Variants in FAXC observed in about 807,000 individuals in gnomAD.
FAXC encodes failed axon connections homolog, metaxin like GST domain containing, also known as failed axon connections homolog.
Under a neutral mutation model 41.9 loss-of-function variants are expected in FAXC, and 10 were observed. That is an observed-to-expected ratio of 0.24 (90% CI 0.15 to 0.41). The LOEUF (loss-of-function observed/expected upper bound fraction) is 0.41. FAXC is among the 10% of genes least tolerant of loss of function. The pLI is 1.00. For synonymous variants in FAXC, 183 were observed against 183.8 expected (o/e 1.00, Z 0.03); for missense variants, 399 against 510.9 (o/e 0.78, Z 2.11).
intron 5 of FAXC, among the ~76,000 whole-genome samples, chr6:99,289,246 T>C (rs1476281602): frequency 6.6e-6 from 1 of 152,148 alleles, no homozygotes; most frequent in Non-Finnish European, 1.5e-5. Flanking sequence ...CCTCAAACAG[T>C]TCCCATGCAA....
intron 4 of FAXC, among the ~76,000 whole-genome samples, chr6:99,303,114 T>C (rs1002410890): frequency 2.0e-5 from 3 of 152,240 alleles, no homozygotes; most frequent in African/African-American, 7.2e-5. Context: ...AATGTTTAAA[T>C]AGGCAATGCT....
At chr6:99,296,615 T>C (rs1221828278) in intron 4 of FAXC, among the ~76,000 whole-genome samples, 1 of 152,020 alleles carries the variant, frequency 6.6e-6, no homozygotes, top group East Asian at 1.9e-4. Context: ...TCCCCAAGGG[T>C]GCAGAGCCCT....
At chr6:99,316,675 A>T (rs2128458112) in intron 4 of FAXC, among the ~76,000 whole-genome samples, 1 of 152,320 alleles carries the variant, frequency 6.6e-6, no homozygotes, top group East Asian at 1.9e-4. Context: ...GGAGGGATGG[A>T]ACCCCAAAGG....
At position 99,349,486 on chromosome 6, in the gene FAXC, C is replaced by T. The variant is rs986900932; in HGVS notation, c.-114G>A. On this transcript the variant is annotated 5_prime_UTR_variant, in exon 1 of 6. Coordinates refer to ENST00000389677, the MANE Select transcript of FAXC (RefSeq NM_032511.4). ...GCGCGGAGGGCGCGGGCGGCGCGGG[C>T]GGCGGCGACTGAGGAGGCGGCGGCG... is the stretch of plus-strand genomic sequence containing the variant. The T allele has an allele frequency of 2.5e-6, 2 of 789,730 alleles. No individual in the cohort carries two copies. Among genetic ancestry groups the T allele is most frequent in the African/African-American group, 1.9e-5 (1 of 52,814 alleles). 48.9% of individuals were successfully genotyped at this position (789,730 alleles called of 1,614,324 possible).
At chr6:99,311,125 T>C (rs1419694580) in intron 4 of FAXC, among the ~76,000 whole-genome samples, 5 of 152,242 alleles carry the variant, frequency 3.3e-5, no homozygotes, top group Non-Finnish European at 7.3e-5. Context: ...ACACGAATGC[T>C]TTAAAGCACT....
In FAXC at chr6:99,349,270, G is replaced by C; in HGVS notation, c.103C>G (p.Pro35Ala). The part of the protein sequence containing the change: ...FFGWWAGSEE[P>A]FSFYGDIIAF... Reference sequence around the variant, plus strand: ...ATGATGTCCCCATAAAAGGAGAAGGGCTCCTCGGACCCGGCCCACCAGCCG... The same window carrying C: ...ATGATGTCCCCATAAAAGGAGAAGGCCTCCTCGGACCCGGCCCACCAGCCG... The change falls in exon 1 of 6, where the codon CCC (proline) becomes GCC (alanine). Residue 35 changes from proline to alanine, a missense_variant. Coordinates refer to ENST00000389677, the MANE Select transcript of FAXC (RefSeq NM_032511.4). The C allele has an allele frequency of 6.2e-7, 1 of 1,613,644 alleles. No individual in the cohort carries two copies. Among genetic ancestry groups the C allele is most frequent in the Non-Finnish European group, 8.5e-7 (1 of 1,180,018 alleles).
chr6:99,320,957 G>A (rs1398454498), intron 4 of FAXC, among the ~76,000 whole-genome samples: 1 of 152,196 alleles, frequency 6.6e-6, no homozygotes, highest in African/African-American at 2.4e-5. Context: ...AAACTTCTGT[G>A]AAGAGTCAGA....
At chr6:99,305,837 T>C (rs925161183) in intron 4 of FAXC, among the ~76,000 whole-genome samples, 1 of 152,094 alleles carries the variant, frequency 6.6e-6, no homozygotes, top group Non-Finnish European at 1.5e-5. Context: ...TTCTTATCAA[T>C]ATTAATCAAT....
chr6:99,298,209 T>C (rs1043667182), intron 4 of FAXC, among the ~76,000 whole-genome samples: 2 of 148,666 alleles, frequency 1.3e-5, no homozygotes, highest in Non-Finnish European at 3.0e-5. Flanking sequence ...CTTGAGCATG[T>C]AGTATAATCA....
chr6:99,294,177 G>A (rs1331295446), intron 4 of FAXC, among the ~76,000 whole-genome samples: 1 of 152,144 alleles, frequency 6.6e-6, no homozygotes, highest in Non-Finnish European at 1.5e-5. Flanking sequence ...CATCATTTGA[G>A]TCTTACACCA....
Position 99,274,456 on chromosome 6 carries a change from C to G in FAXC, c.*6708G>C, listed in dbSNP as rs1770527277. The G allele has an allele frequency of 6.6e-6, 1 of 152,156 alleles. No homozygotes were observed. Among genetic ancestry groups the G allele is most frequent in the African/African-American group, 2.4e-5 (1 of 41,434 alleles). 9.4% of individuals were successfully genotyped at this position (152,156 alleles called of 1,614,324 possible). A position where few individuals can be genotyped will look rare whatever the true frequency, so the allele number is the denominator to read the frequency against. On this transcript the variant is annotated 3_prime_UTR_variant, in exon 6 of 6. Coordinates refer to ENST00000389677, the MANE Select transcript of FAXC (RefSeq NM_032511.4). ...ATTTGTTACTGTTTTCTTCTCTCCT[C>G]CTACTCAGTTAAATTCTAATACCAC...
chr6:99,306,577 G>A (rs2128455143), intron 4 of FAXC, among the ~76,000 whole-genome samples: 1 of 152,286 alleles, frequency 6.6e-6, no homozygotes, highest in Non-Finnish European at 1.5e-5. Context: ...TATGCAATGT[G>A]AGATGAACAG....
chr6:99,289,549 AGTAG>A (rs1156440481), intron 5 of FAXC, among the ~76,000 whole-genome samples: 1 of 152,112 alleles, frequency 6.6e-6, no homozygotes, highest in Non-Finnish European at 1.5e-5. Flanking sequence ...CCAGCTACTC[AGTAG>A]GTTGAGACAG....
chr6:99,318,263 ACACACACACAC>A (rs1582660383), intron 4 of FAXC, among the ~76,000 whole-genome samples: 53 of 124,466 alleles, frequency 4.3e-4, no homozygotes, highest in East Asian at 8.8e-4. Flanking sequence ...CGTCTCAAAC[ACACACACACAC>A]ACACACACAC....
At chr6:99,299,762 TTC>T (rs1402304905) in intron 4 of FAXC, among the ~76,000 whole-genome samples, 3 of 152,160 alleles carry the variant, frequency 2.0e-5, no homozygotes, top group African/African-American at 7.2e-5. Context: ...CTACTCCCTA[TTC>T]TCTTACACTC....
chr6:99,340,050 C>T (rs949431860), intron 2 of FAXC, among the ~76,000 whole-genome samples: 4 of 152,060 alleles, frequency 2.6e-5, no homozygotes, highest in Non-Finnish European at 5.9e-5. Flanking sequence ...AGATTAAATA[C>T]AAATTCTAAG....
At chr6:99,284,721 T>C (rs977954081) in intron 5 of FAXC, among the ~76,000 whole-genome samples, 1 of 152,104 alleles carries the variant, frequency 6.6e-6, no homozygotes, top group African/African-American at 2.4e-5. Context: ...GATACCAGCC[T>C]GGCCAACATG....
chr6:99,285,594 C>A (rs1371136664), intron 5 of FAXC, among the ~76,000 whole-genome samples: 1 of 152,054 alleles, frequency 6.6e-6, no homozygotes, highest in Non-Finnish European at 1.5e-5. Flanking sequence ...GAGGAGAAGG[C>A]CATAAACTTT....
upstream of FAXC, chr6:99,350,046 C>G (rs565789806): frequency 2.6e-5 from 4 of 152,368 alleles, no homozygotes; most frequent in African/African-American, 9.6e-5. Flanking sequence ...GGGCAGGAGA[C>G]GCCACCAGGC....
Sources: gnomAD v4.1 joint callset for allele counts (sites outside exome capture counted in the v4.1 genomes callset) on GRCh38, gnomAD v4.1.1 for gene constraint, MANE v1.5 for transcripts, NCBI Gene and HGNC (gene_info 2026-07-23, HGNC 2026-07-21) for gene names.